The following AGBL4 variants were observed in gnomAD, a reference collection of about 807,000 sequenced individuals.
AGBL4 encodes AGBL carboxypeptidase 4.
A neutral mutation model predicts 66.4 loss-of-function variants in AGBL4; 58 were observed. That is an observed-to-expected ratio of 0.87 (90% confidence interval 0.71 to 1.09). The LOEUF is 1.09. Among genes scored for constraint, AGBL4 ranks in the 50% least tolerant of loss-of-function variants. AGBL4 has a pLI of 0.00. For synonymous variants in AGBL4, 234 were observed against 222.9 expected (o/e 1.05, Z -0.44); for missense variants, 579 against 631.0 (o/e 0.92, Z 0.88).
At chr1:49,575,304 C>T (rs1274028875) in intron 3 of AGBL4, among the ~76,000 whole-genome samples, 1 of 152,164 alleles carries the variant, frequency 6.6e-6, no homozygotes, top group African/African-American at 2.4e-5. Context: ...TCAACTCATC[C>T]TGTGGTCATT....
intron 3 of AGBL4, among the ~76,000 whole-genome samples, chr1:49,548,242 C>T (rs1652662995): frequency 6.6e-6 from 1 of 152,210 alleles, no homozygotes; most frequent in African/African-American, 2.4e-5. Flanking sequence ...ATCGTATTGT[C>T]AGCAAACAGT....
At chr1:48,567,953 G>A (rs768841964) in intron 11 of AGBL4, among the ~76,000 whole-genome samples, 1 of 152,158 alleles carries the variant, frequency 6.6e-6, no homozygotes, top group African/African-American at 2.4e-5. Flanking sequence ...GGACCTGTAC[G>A]TTGGTACAGC....
chr1:49,489,955 T>C (rs1570850526), intron 3 of AGBL4, among the ~76,000 whole-genome samples: 1 of 151,940 alleles, frequency 6.6e-6, no homozygotes, highest in East Asian at 1.9e-4. Flanking sequence ...TTGGATTTTC[T>C]ATGTAGGAAA....
At chr1:49,902,236 ACAAT>A (rs1649829758) in intron 1 of AGBL4, among the ~76,000 whole-genome samples, 1 of 152,014 alleles carries the variant, frequency 6.6e-6, no homozygotes, top group African/African-American at 2.4e-5. Flanking sequence ...GAAACTATCA[ACAAT>A]CAGAGAACCT....
chr1:48,797,292 T>A (rs928358411), intron 6 of AGBL4, among the ~76,000 whole-genome samples: 1 of 152,228 alleles, frequency 6.6e-6, no homozygotes, highest in African/African-American at 2.4e-5. Flanking sequence ...TCTTTAGTGG[T>A]GATTTCTGAG....
At chr1:49,199,187 G>A (rs1173851851) in intron 4 of AGBL4, among the ~76,000 whole-genome samples, 1 of 152,190 alleles carries the variant, frequency 6.6e-6, no homozygotes, top group African/African-American at 2.4e-5. Context: ...ATGAGGAAAC[G>A]GATGCAGAGA....
chr1:49,936,856 G>C (rs910599468), intron 1 of AGBL4, among the ~76,000 whole-genome samples: 4 of 151,996 alleles, frequency 2.6e-5, no homozygotes. Flanking sequence ...ACAAGGAAAG[G>C]AACAACCGGT....
At chr1:49,650,947 C>T (rs575809585) in intron 3 of AGBL4, among the ~76,000 whole-genome samples, 11 of 152,240 alleles carry the variant, frequency 7.2e-5, no homozygotes, top group African/African-American at 2.6e-4. Flanking sequence ...GTAGCTGCAC[C>T]CCACTGAAAG....
chr1:49,905,603 C>A (rs1299738780), intron 1 of AGBL4, among the ~76,000 whole-genome samples: 1 of 152,054 alleles, frequency 6.6e-6, no homozygotes, highest in African/African-American at 2.4e-5. Context: ...GGATTATGAA[C>A]CATTCCTTAT....
At chr1:49,528,799 A>T (rs1650869855) in intron 3 of AGBL4, among the ~76,000 whole-genome samples, 1 of 152,106 alleles carries the variant, frequency 6.6e-6, no homozygotes, top group Non-Finnish European at 1.5e-5. Flanking sequence ...AGGAAAGAGA[A>T]TGTACAAAGC....
chr1:49,145,100 A>C (rs1417529496), intron 4 of AGBL4, among the ~76,000 whole-genome samples: 1 of 152,298 alleles, frequency 6.6e-6, no homozygotes. Context: ...GGAATCCAGG[A>C]TTTGACTAGA....
intron 4 of AGBL4, among the ~76,000 whole-genome samples, chr1:49,149,628 T>C (rs1459197614): frequency 1.3e-5 from 2 of 152,204 alleles, no homozygotes; most frequent in Non-Finnish European, 2.9e-5. Context: ...TATTCACATT[T>C]TTCTGTATAC....
At chr1:49,495,546 CA>C (rs34612259) in intron 3 of AGBL4, among the ~76,000 whole-genome samples, 93 of 131,038 alleles carry the variant, frequency 7.1e-4, no homozygotes, top group Admixed American at 2.7e-3. Context: ...TCAGAAGGAA[CA>C]AAAAAAAAAA....
intron 3 of AGBL4, among the ~76,000 whole-genome samples, chr1:49,398,496 A>ACAG (rs1475758850): frequency 1.3e-5 from 2 of 152,058 alleles, no homozygotes; most frequent in Non-Finnish European, 2.9e-5. Context: ...TAGCTTGTAG[A>ACAG]CAGCACATGG....
chr1:48,876,135 T>C (rs554043856), intron 5 of AGBL4, among the ~76,000 whole-genome samples: 1 of 152,326 alleles, frequency 6.6e-6, no homozygotes, highest in South Asian at 2.1e-4. Context: ...CTTGTGTTTA[T>C]ATTTGATTAA....
chr1:49,027,887 C>T (rs1426716230), intron 5 of AGBL4, among the ~76,000 whole-genome samples: 4 of 152,174 alleles, frequency 2.6e-5, no homozygotes, highest in African/African-American at 7.2e-5. Flanking sequence ...CCAGGGGCTA[C>T]TGTCCCTACC....
At chr1:48,996,817 C>CCCTCCCTTCCTT (rs552565325) in intron 5 of AGBL4, among the ~76,000 whole-genome samples, 4 of 147,866 alleles carry the variant, frequency 2.7e-5, no homozygotes, top group African/African-American at 7.6e-5. Flanking sequence ...CTTCCTTCCT[C>CCCTCCCTTCCTT]CCTTCCTTCC....
At chr1:49,347,133 T>TA (rs1645647065) in intron 3 of AGBL4, among the ~76,000 whole-genome samples, 1 of 152,224 alleles carries the variant, frequency 6.6e-6, no homozygotes, top group Non-Finnish European at 1.5e-5. Flanking sequence ...TAGATTTTTT[T>TA]ATCTTTGTTA....
At chr1:49,621,297 C>G (rs1645355999) in intron 3 of AGBL4, among the ~76,000 whole-genome samples, 1 of 152,184 alleles carries the variant, frequency 6.6e-6, no homozygotes, top group Non-Finnish European at 1.5e-5. Flanking sequence ...TGCGTCCACA[C>G]TACTGCTGTG....
Sources: gnomAD v4.1 joint callset for allele counts (sites outside exome capture counted in the v4.1 genomes callset) on GRCh38, gnomAD v4.1.1 for gene constraint, MANE v1.5 for transcripts, NCBI Gene and HGNC (gene_info 2026-07-23, HGNC 2026-07-21) for gene names.